Variants in IMMP2L observed in about 807,000 individuals in gnomAD.
The protein encoded by IMMP2L is mitochondrial inner membrane protease subunit 2.
In IMMP2L, 18 loss-of-function variants were observed where a neutral mutation model predicts 19.3. That is an observed-to-expected ratio of 0.93 (90% CI 0.64 to 1.38). The LOEUF is 1.38. Ranked by LOEUF, IMMP2L falls within the 40% of genes most tolerant of loss-of-function variation. IMMP2L has a pLI of 0.00. For missense variants in IMMP2L, 233 were observed against 218.2 expected (o/e 1.07, Z -0.43); for synonymous variants, 76 against 73.0 (o/e 1.04, Z -0.21).
At chr7:111,263,529 C>T (rs773703633) in intron 3 of IMMP2L, among the ~76,000 whole-genome samples, 16 of 151,902 alleles carry the variant, frequency 1.1e-4, no homozygotes, top group Admixed American at 7.2e-4. Context: ...AAGTAAATAT[C>T]GAAATGCTGA....
intron 3 of IMMP2L, among the ~76,000 whole-genome samples, chr7:111,116,360 G>T (rs947503540): frequency 2.0e-5 from 3 of 152,044 alleles, no homozygotes; most frequent in Non-Finnish European, 2.9e-5. Context: ...GAGGATTTTT[G>T]CCAGTTTGAA....
intron 5 of IMMP2L, among the ~76,000 whole-genome samples, chr7:110,688,165 A>T (rs904305915): frequency 2.6e-5 from 4 of 152,052 alleles, no homozygotes; most frequent in Non-Finnish European, 5.9e-5. Flanking sequence ...AGTTTATGCC[A>T]TGTGAATTGG....
At chr7:111,539,158 A>C (rs1848185864) in intron 1 of IMMP2L, among the ~76,000 whole-genome samples, 1 of 51,976 alleles carries the variant, frequency 1.9e-5, no homozygotes. Flanking sequence ...GAAGGAAGGA[A>C]GGAAGGAAGG....
At chr7:110,861,098 T>TGTGTGAGAGAGA (rs780880935) in intron 5 of IMMP2L, among the ~76,000 whole-genome samples, 10 of 141,730 alleles carry the variant, frequency 7.1e-5, no homozygotes, top group African/African-American at 2.7e-4. Flanking sequence ...TGTGTGTGTG[T>TGTGTGAGAGAGA]GAGAGAGAGA....
At chr7:110,940,718 T>C (rs1816655034) in intron 4 of IMMP2L, among the ~76,000 whole-genome samples, 1 of 152,218 alleles carries the variant, frequency 6.6e-6, no homozygotes, top group African/African-American at 2.4e-5. Flanking sequence ...CACTCTCTTT[T>C]AGTAAATCAA....
chr7:111,111,937 A>ATAGTTT (rs1799260233), intron 3 of IMMP2L, among the ~76,000 whole-genome samples: 11 of 132,018 alleles, frequency 8.3e-5, no homozygotes, highest in African/African-American at 3.0e-4. Flanking sequence ...ATATATATAT[A>ATAGTTT]GTTTGTTTTT....
intron 3 of IMMP2L, among the ~76,000 whole-genome samples, chr7:111,387,472 T>C (rs1462905914): frequency 1.3e-5 from 2 of 152,160 alleles, no homozygotes; most frequent in Non-Finnish European, 2.9e-5. Flanking sequence ...GAACTCGTTT[T>C]AGCTATTGCT....
intron 3 of IMMP2L, among the ~76,000 whole-genome samples, chr7:111,403,894 T>G (rs1833685606): frequency 1.3e-5 from 2 of 152,166 alleles, no homozygotes; most frequent in Admixed American, 6.5e-5. Flanking sequence ...AAATTAGCCA[T>G]GCCACTTGGA....
Position 110,803,417 on chromosome 7 carries a change from G to A in IMMP2L, c.408+83176C>T, listed in dbSNP as rs1412370382. Among the ~76,000 whole-genome samples, 1 of 152,056 alleles carries A rather than the reference G, an allele frequency of 6.6e-6. No individual in the cohort carries two copies. Among genetic ancestry groups the A allele is most frequent in the African/African-American group, 2.4e-5 (1 of 41,418 alleles). The stretch of plus-strand genomic sequence containing the variant: ...GGAATCATTACTGTTGCAGTATGGG[G>A]TCTCTGGAAAGGCAGACTCTGAAAC... On this transcript the variant is annotated intron_variant, in intron 5 of 5. Transcript: ENST00000405709. The surrounding 1 kb of genome is among the most constrained non-coding windows in gnomAD (Gnocchi z 4.2).
intron 3 of IMMP2L, chr7:111,091,623 T>C (rs571452024): frequency 6.6e-6 from 1 of 152,316 alleles, no homozygotes; most frequent in South Asian, 2.1e-4. Flanking sequence ...TCTAAGAGCA[T>C]TTTTCTTTTA....
chr7:110,971,463 G>A (rs1055955473), intron 3 of IMMP2L, among the ~76,000 whole-genome samples: 2 of 152,046 alleles, frequency 1.3e-5, no homozygotes, highest in Non-Finnish European at 2.9e-5. Flanking sequence ...AATCAGACAG[G>A]CCAACATGCC....
intron 3 of IMMP2L, among the ~76,000 whole-genome samples, chr7:111,076,881 C>T (rs2129575918): frequency 6.6e-6 from 1 of 152,284 alleles, no homozygotes; most frequent in African/African-American, 2.4e-5. Context: ...CCTAAAAATC[C>T]TCAGGGCAAA....
intron 3 of IMMP2L, among the ~76,000 whole-genome samples, chr7:111,446,702 A>T (rs571933088): frequency 6.6e-6 from 1 of 152,262 alleles, no homozygotes; most frequent in Non-Finnish European, 1.5e-5. Flanking sequence ...ACAAAACTGG[A>T]TGGAGAATGA....
intron 3 of IMMP2L, among the ~76,000 whole-genome samples, chr7:111,104,763 C>A (rs1193582708): frequency 6.6e-6 from 1 of 151,828 alleles, no homozygotes; most frequent in Non-Finnish European, 1.5e-5. Flanking sequence ...GTAAGCTACA[C>A]TTCCTATCAA....
chr7:111,276,749 G>T (rs976282548), intron 3 of IMMP2L, among the ~76,000 whole-genome samples: 1 of 151,634 alleles, frequency 6.6e-6, no homozygotes, highest in African/African-American at 2.4e-5. Flanking sequence ...ACAGAGTATG[G>T]GACTGATATT....
chr7:110,744,933 A>C (rs765313122), intron 5 of IMMP2L, among the ~76,000 whole-genome samples: 2 of 152,158 alleles, frequency 1.3e-5, no homozygotes, highest in Non-Finnish European at 2.9e-5. Context: ...GCTCCAGAAG[A>C]TGGGTAATAA....
chr7:111,502,389 C>T (rs1844377676), intron 2 of IMMP2L, among the ~76,000 whole-genome samples: 1 of 152,156 alleles, frequency 6.6e-6, no homozygotes, highest in African/African-American at 2.4e-5. Context: ...TAACACCCCG[C>T]TGTCAACATT....
At chr7:111,198,146 T>C (rs2129614676) in intron 3 of IMMP2L, among the ~76,000 whole-genome samples, 1 of 152,272 alleles carries the variant, frequency 6.6e-6, no homozygotes, top group East Asian at 1.9e-4. Flanking sequence ...AAGAATGCAA[T>C]TACTAATGGG....
intron 3 of IMMP2L, among the ~76,000 whole-genome samples, chr7:111,400,095 G>A (rs1833281545): frequency 6.6e-6 from 1 of 152,018 alleles, no homozygotes; most frequent in Non-Finnish European, 1.5e-5. Flanking sequence ...CAACGTATCT[G>A]ATCACAGCCC....
Sources: allele counts gnomAD v4.1 joint callset (sites outside exome capture counted in the v4.1 genomes callset), GRCh38; gene constraint gnomAD v4.1.1; non-coding constraint Gnocchi (gnomAD v3.1); transcripts MANE v1.5; gene names NCBI Gene and HGNC (gene_info 2026-07-23, HGNC 2026-07-21).